EYS: variants seen among roughly 807,000 people sequenced by gnomAD.
EYS encodes protein eyes shut homolog.
Under a neutral mutation model 282.1 loss-of-function variants are expected in EYS, and 250 were observed. The observed-to-expected ratio is 0.89, with a 90% CI of 0.80 to 0.98. The LOEUF is 0.98. EYS is among the 50% of genes least tolerant of loss of function. The pLI, the probability that EYS is intolerant of heterozygous loss-of-function variation, is 0.00. For synonymous variants in EYS, 1,355 were observed against 1,282.9 expected (o/e 1.06, Z -1.20); for missense variants, 4,016 against 3,709.0 (o/e 1.08, Z -2.15).
In EYS at chr6:63,788,267, A is replaced by T. The variant is rs1208751234; in HGVS notation, c.7579-18T>A. 6.6e-7 allele frequency: 1 copy of T among 1,512,998 alleles called. No individual in the cohort carries two copies. Among genetic ancestry groups the T allele is most frequent in the East Asian group, 2.5e-5 (1 of 40,390 alleles). 93.7% of individuals were successfully genotyped at this position (1,512,998 alleles called of 1,614,324 possible). On this transcript the variant is annotated intron_variant, in intron 38 of 42. Coordinates refer to ENST00000503581, the MANE Select transcript of EYS (RefSeq NM_001142800.2). ...TCATCTACCTTCGAAAGGGAAAAAAAACCTATTAAAAAAGGAATTAATTCC... is the reference window on the plus strand; with the variant it reads ...TCATCTACCTTCGAAAGGGAAAAAATACCTATTAAAAAAGGAATTAATTCC...
rs547768988 is a variant in EYS at position 65,272,432 on chromosome 6, A to G, written c.2023+23431T>C. On this transcript the variant is annotated intron_variant, in intron 12 of 42. Transcript: ENST00000503581. ...GATGGCTAAGAGTTAACAGCTCACT[A>G]AAGAGTGACTTAGGGCCAAGATTCC... is the stretch of plus-strand genomic sequence containing the variant. Among the ~76,000 whole-genome samples the G allele has an allele frequency of 7.2e-5, 11 of 152,240 alleles. No homozygotes were observed. In the East Asian group the frequency reaches 1.7e-3, roughly 24 times the overall value.
chr6:65,456,373 C>T (rs1456476632), intron 5 of EYS, among the ~76,000 whole-genome samples: 1 of 151,606 alleles, frequency 6.6e-6, no homozygotes, highest in Non-Finnish European at 1.5e-5. Flanking sequence ...CCACTTGAAC[C>T]TGAGAGGCGG....
intron 2 of EYS, among the ~76,000 whole-genome samples, chr6:65,547,322 C>A (rs527360629): frequency 6.6e-6 from 1 of 151,760 alleles, no homozygotes; most frequent in South Asian, 2.1e-4. Context: ...TATATAAGCC[C>A]TCTTCTAATG....
chr6:64,741,374 C>G (rs1261505830), intron 22 of EYS, among the ~76,000 whole-genome samples: 1 of 152,042 alleles, frequency 6.6e-6, no homozygotes, highest in African/African-American at 2.4e-5. Flanking sequence ...ACGCTTTGTT[C>G]CATTCACAGA....
At chr6:65,643,235 G>C (rs1422450063) in intron 1 of EYS, among the ~76,000 whole-genome samples, 2 of 152,128 alleles carry the variant, frequency 1.3e-5, no homozygotes, top group East Asian at 3.9e-4. Flanking sequence ...GGCTGTGTGG[G>C]AGCAGGGTGA....
chr6:63,929,127 A>G (rs937052521), intron 35 of EYS, among the ~76,000 whole-genome samples: 3 of 152,162 alleles, frequency 2.0e-5, no homozygotes, highest in Non-Finnish European at 4.4e-5. Flanking sequence ...AATAATGTTT[A>G]CTTATCTGTT....
intron 2 of EYS, among the ~76,000 whole-genome samples, chr6:65,514,522 C>A (rs1767042123): frequency 6.6e-6 from 1 of 152,174 alleles, no homozygotes; most frequent in African/African-American, 2.4e-5. Flanking sequence ...AGGCATCACA[C>A]TACCTGACTT....
chr6:63,780,571 C>A (rs1770193188), intron 39 of EYS, among the ~76,000 whole-genome samples: 2 of 152,138 alleles, frequency 1.3e-5, no homozygotes, highest in Non-Finnish European at 2.9e-5. Context: ...TGTTCATATC[C>A]TTTGCCCAGT....
chr6:65,013,186 G>A (rs1186020000), intron 13 of EYS, among the ~76,000 whole-genome samples: 1 of 152,102 alleles, frequency 6.6e-6, no homozygotes, highest in Non-Finnish European at 1.5e-5. Context: ...TTGCTAGTGG[G>A]AAGTTAATTT....
chr6:63,756,082 C>A (rs1044746056), intron 41 of EYS, among the ~76,000 whole-genome samples: 1 of 152,134 alleles, frequency 6.6e-6, no homozygotes, highest in East Asian at 1.9e-4. Context: ...CAAACAGAGA[C>A]AATTTGACTT....
intron 12 of EYS, among the ~76,000 whole-genome samples, chr6:65,290,372 TG>T (rs1380376071): frequency 6.6e-6 from 1 of 151,090 alleles, no homozygotes; most frequent in Non-Finnish European, 1.5e-5. Flanking sequence ...ATACAAAAGA[TG>T]AAAAAAATTG....
intron 2 of EYS, among the ~76,000 whole-genome samples, chr6:65,619,763 AG>A (rs1391064104): frequency 5.3e-5 from 8 of 151,310 alleles, no homozygotes; most frequent in South Asian, 2.1e-4. Flanking sequence ...TTTAGCATGA[AG>A]GGTTGTTGAA....
intron 12 of EYS, among the ~76,000 whole-genome samples, chr6:65,134,325 G>A (rs1038032090): frequency 6.6e-6 from 1 of 152,022 alleles, no homozygotes; most frequent in African/African-American, 2.4e-5. Flanking sequence ...ATTCATAATA[G>A]CAAGGACATA....
rs1196390028 is a variant in EYS, at chr6:64,388,815, C to T, written c.5953G>A (p.Glu1985Lys). 1.0e-5 allele frequency: 16 copies of T among 1,539,464 alleles called. No homozygotes were observed. The South Asian group carries it at 1.7e-4, about 17-fold the overall frequency. ...GTATTCCTCCCTAAAATAGTCAGCT[C>T]AGCGTTACATGGATCCAATTCTTGC... ...IRQELDPCNAELTILGRNTQI... is the reference protein window; with the variant it reads ...IRQELDPCNAKLTILGRNTQI... Residue 1985 changes from glutamate to lysine, a missense_variant, in exon 29 of 43, where the codon GAG (glutamate) becomes AAG (lysine). Coordinates refer to ENST00000503581, the MANE Select transcript of EYS (RefSeq NM_001142800.2).
At chr6:64,245,891 C>T (rs563732343) in intron 30 of EYS, among the ~76,000 whole-genome samples, 18 of 151,726 alleles carry the variant, frequency 1.2e-4, no homozygotes, top group East Asian at 7.8e-4. Context: ...TGGTGGCGCA[C>T]GCCTGTAGTC....
intron 22 of EYS, among the ~76,000 whole-genome samples, chr6:64,757,587 T>C (rs1772985855): frequency 6.6e-6 from 1 of 152,140 alleles, no homozygotes; most frequent in Non-Finnish European, 1.5e-5. Flanking sequence ...GCTTAACCAA[T>C]GGTTTTATCC....
chr6:65,525,168 T>C lies in EYS; in HGVS notation c.-332-29175A>G, dbSNP rs370849404. On this transcript the variant is annotated intron_variant, in intron 2 of 42. Coordinates refer to ENST00000503581, the MANE Select transcript of EYS (RefSeq NM_001142800.2). ...GGTTTCTAAACCCATTTTAAAGTCA[T>C]ATGTTGAAAGCATTTGAAGATAGGG... Among the ~76,000 whole-genome samples the C allele has an allele frequency of 3.9e-5, 6 of 152,196 alleles. No individual in the cohort carries two copies. The East Asian group carries it at 1.2e-3, about 29-fold the overall frequency.
chr6:64,893,289 C>A (rs1023368618), intron 18 of EYS, among the ~76,000 whole-genome samples: 4 of 151,968 alleles, frequency 2.6e-5, no homozygotes, highest in African/African-American at 9.7e-5. Context: ...AATCATGTTA[C>A]TAGAGGTAAG....
At chr6:64,851,276 C>T (rs1250160868) in intron 19 of EYS, among the ~76,000 whole-genome samples, 1 of 152,006 alleles carries the variant, frequency 6.6e-6, no homozygotes, top group Middle Eastern at 3.2e-3. Context: ...TCCTTGATGA[C>T]ATCTGGACTT....
Sources: gnomAD v4.1 joint callset for allele counts (sites outside exome capture counted in the v4.1 genomes callset) on GRCh38, gnomAD v4.1.1 for gene constraint, MANE v1.5 for transcripts, NCBI Gene and HGNC (gene_info 2026-07-23, HGNC 2026-07-21) for gene names.